Variants in TTC27 observed in about 807,000 individuals in gnomAD.
TTC27 encodes tetratricopeptide repeat protein 27.
TTC27 carries 79 observed loss-of-function variants against 115.9 expected under a neutral mutation model. That is an observed-to-expected ratio of 0.68 (90% CI 0.57 to 0.82). The LOEUF (loss-of-function observed/expected upper bound fraction) is 0.82, where lower values mean the gene tolerates loss of function less well. Ranked by LOEUF, TTC27 falls within the 40% of genes least tolerant of loss-of-function variation. The probability of loss-of-function intolerance (pLI) is 0.00; values close to 1 mark genes in which losing one functional copy is unlikely to be tolerated. For missense variants in TTC27, 1,054 were observed against 993.1 expected (o/e 1.06, Z -0.82); for synonymous variants, 401 against 356.0 (o/e 1.13, Z -1.42).
At chr2:32,703,855 A>G (rs1312490545) in intron 10 of TTC27, among the ~76,000 whole-genome samples, 3 of 152,236 alleles carry the variant, frequency 2.0e-5, no homozygotes, top group Non-Finnish European at 2.9e-5. Flanking sequence ...GAGACTAGGT[A>G]ATTTATAAAG....
chr2:32,686,455 G>T (rs190739277), intron 9 of TTC27, among the ~76,000 whole-genome samples: 2 of 151,584 alleles, frequency 1.3e-5, no homozygotes, highest in Non-Finnish European at 2.9e-5. Flanking sequence ...TGTCTCCTGG[G>T]CTCAAGCATT....
At chr2:32,712,934 T>C (rs1185825005) in intron 10 of TTC27, among the ~76,000 whole-genome samples, 1 of 152,216 alleles carries the variant, frequency 6.6e-6, no homozygotes, top group African/African-American at 2.4e-5. Context: ...AAAGTTGATG[T>C]GGTGGAAACT....
At chr2:32,748,131 C>G (rs531381008) in intron 12 of TTC27, among the ~76,000 whole-genome samples, 4 of 151,840 alleles carry the variant, frequency 2.6e-5, no homozygotes, top group Non-Finnish European at 5.9e-5. Flanking sequence ...TGCTACATCC[C>G]GTAAGTTTCA....
At chr2:32,676,672 G>T (rs1391844759) in intron 8 of TTC27, among the ~76,000 whole-genome samples, 6 of 151,770 alleles carry the variant, frequency 4.0e-5, no homozygotes, top group South Asian at 2.1e-4. Flanking sequence ...TGTAGTTTTA[G>T]TAGAGACGGG....
chr2:32,671,650 A>G (rs868607063), intron 7 of TTC27, among the ~76,000 whole-genome samples: 26 of 152,168 alleles, frequency 1.7e-4, no homozygotes, highest in African/African-American at 6.0e-4. Context: ...TCTTTTAAAA[A>G]TTGTTTTGGT....
intron 8 of TTC27, among the ~76,000 whole-genome samples, chr2:32,674,661 AT>A (rs532166973): frequency 2.1e-3 from 295 of 142,472 alleles, no homozygotes; most frequent in Non-Finnish European, 1.9e-3. Context: ...CAGTGACAGA[AT>A]TTTTTTTTTT....
chr2:32,791,444 T>A (rs1004052671), intron 16 of TTC27, among the ~76,000 whole-genome samples: 2 of 152,238 alleles, frequency 1.3e-5, no homozygotes, highest in Admixed American at 1.3e-4. Flanking sequence ...ACACAGGTTA[T>A]CTTTTATTGG....
intron 5 of TTC27, among the ~76,000 whole-genome samples, chr2:32,659,254 G>A (rs551636814): frequency 6.6e-6 from 1 of 151,972 alleles, no homozygotes; most frequent in Non-Finnish European, 1.5e-5. Flanking sequence ...CGTGAGCCAC[G>A]ATGCCCAGCC....
chr2:32,700,174 G>C (rs911190523), intron 9 of TTC27, among the ~76,000 whole-genome samples: 1 of 152,208 alleles, frequency 6.6e-6, no homozygotes, highest in African/African-American at 2.4e-5. Flanking sequence ...GTGCTTTTCA[G>C]TGGGAACTCT....
intron 10 of TTC27, among the ~76,000 whole-genome samples, chr2:32,723,591 C>G (rs1490161611): frequency 2.0e-5 from 3 of 151,962 alleles, no homozygotes; most frequent in Admixed American, 1.3e-4. Flanking sequence ...AGGGCCAACT[C>G]TCTGGGGCCA....
chr2:32,640,904 C>A (rs1366556793), intron 4 of TTC27, among the ~76,000 whole-genome samples: 1 of 152,122 alleles, frequency 6.6e-6, no homozygotes, highest in East Asian at 1.9e-4. Flanking sequence ...ATTGCTTGAA[C>A]CTGGGAGGTG....
intron 9 of TTC27, among the ~76,000 whole-genome samples, chr2:32,686,397 A>T (rs937874630): frequency 6.6e-6 from 1 of 151,906 alleles, no homozygotes; most frequent in African/African-American, 2.4e-5. Flanking sequence ...ACGTAGTCTT[A>T]CTCTGTTACC....
At chr2:32,672,226 TA>T in intron 7 of TTC27, 45 bp from the exon 8 acceptor site, 1 of 1,434,186 alleles carries the variant, frequency 7.0e-7, no homozygotes, top group Non-Finnish European at 9.8e-7. Flanking sequence ...GGTGAATGAA[TA>T]AAATTTAATT....
intron 16 of TTC27, among the ~76,000 whole-genome samples, chr2:32,794,486 T>C (rs1315708293): frequency 6.6e-6 from 1 of 152,106 alleles, no homozygotes; most frequent in Non-Finnish European, 1.5e-5. Flanking sequence ...AAATGCTTAC[T>C]TTAAAACACA....
At chr2:32,672,427 T>C (rs1666046376) in intron 8 of TTC27, 43 bp downstream of exon 8, 3 of 1,400,532 alleles carry the variant, frequency 2.1e-6, no homozygotes, top group South Asian at 1.2e-5. Flanking sequence ...ACTTTGCATA[T>C]TGATTCTCTT....
intron 10 of TTC27, among the ~76,000 whole-genome samples, chr2:32,708,201 A>C (rs1667443164): frequency 6.6e-6 from 1 of 152,088 alleles, no homozygotes; most frequent in East Asian, 1.9e-4. Flanking sequence ...CTCGATGTTA[A>C]GACATTAAGG....
chr2:32,800,580 C>T (rs1016373037), intron 16 of TTC27, among the ~76,000 whole-genome samples: 2 of 152,144 alleles, frequency 1.3e-5, no homozygotes, highest in South Asian at 2.1e-4. Flanking sequence ...TCTCTGCAAC[C>T]TTCGCCACCT....
Position 32,717,484 on chromosome 2 carries a change from C to G in TTC27, c.1233+14564C>G, listed in dbSNP as rs532522355. On this transcript the variant is annotated intron_variant, in intron 10 of 19. Transcript: ENST00000317907. ...ATTCTCCACTGATTTCTTTTTTGCT[C>G]TTTGCTGTAGGTCATGGTCAGCTAC... 3.9e-5 allele frequency among the ~76,000 whole-genome samples: 6 copies of G among 152,226 alleles called. No homozygotes were observed. The South Asian group carries it at 8.3e-4, about 21-fold the overall frequency.
intron 2 of TTC27, 37 bp downstream of exon 2, chr2:32,630,737 G>A (rs1220030829): frequency 1.9e-6 from 3 of 1,567,882 alleles, no homozygotes; most frequent in African/African-American, 2.7e-5. Context: ...GAGGAACAGA[G>A]CAAATACATT....
Sources: allele counts gnomAD v4.1 joint callset (sites outside exome capture counted in the v4.1 genomes callset), GRCh38; gene constraint gnomAD v4.1.1; transcripts MANE v1.5; gene names NCBI Gene and HGNC (gene_info 2026-07-23, HGNC 2026-07-21).